The following TGFBR3 variants were observed in gnomAD, a reference collection of about 807,000 sequenced individuals.
TGFBR3 encodes transforming growth factor beta receptor type 3.
A neutral mutation model predicts 87.9 loss-of-function variants in TGFBR3; 46 were observed. The ratio of observed to expected loss-of-function variants is 0.52; its 90% CI spans 0.41 to 0.67. TGFBR3 has a LOEUF of 0.67. Among genes scored for constraint, TGFBR3 ranks in the 30% least tolerant of loss-of-function variants. The pLI, the probability that TGFBR3 is intolerant of heterozygous loss-of-function variation, is 0.00. For synonymous variants in TGFBR3, 381 were observed against 391.6 expected (o/e 0.97, Z 0.32); for missense variants, 866 against 1,041.9 (o/e 0.83, Z 2.32).
In TGFBR3 at chr1:91,680,378, A is replaced by G. The variant is rs547898508; in HGVS notation, c.*3361T>C. 2.7e-4 allele frequency: 123 copies of G among 450,284 alleles called. No individual in the cohort carries two copies. The highest frequency in any genetic ancestry group is 2.3e-3 in the African/African-American group (116 of 49,782). 27.9% of individuals were successfully genotyped at this position (450,284 alleles called of 1,614,324 possible). Reference sequence around the variant, plus strand: ...ATATATATCTTTTTATTATGCACAGATAAAAGATTTAAAACTGTGGTTATC... The same window carrying G: ...ATATATATCTTTTTATTATGCACAGGTAAAAGATTTAAAACTGTGGTTATC... On this transcript the variant is annotated 3_prime_UTR_variant, in exon 17 of 17. Transcript: ENST00000212355.
chr1:91,772,206 T>C (rs1350847213), intron 3 of TGFBR3, among the ~76,000 whole-genome samples: 1 of 152,204 alleles, frequency 6.6e-6, no homozygotes, highest in Admixed American at 6.5e-5. Context: ...AATGAGTACA[T>C]TAACTTCTGG....
At chr1:91,904,779 T>C (rs2101357538) in intron 1 of TGFBR3, among the ~76,000 whole-genome samples, 1 of 152,250 alleles carries the variant, frequency 6.6e-6, no homozygotes, top group Admixed American at 6.5e-5. Flanking sequence ...TTGGCCAGGC[T>C]GGTCTCGAAC....
At chr1:91,805,557 A>G (rs1445045370) in intron 2 of TGFBR3, among the ~76,000 whole-genome samples, 1 of 152,240 alleles carries the variant, frequency 6.6e-6, no homozygotes, top group East Asian at 1.9e-4. Flanking sequence ...GAAACTCCCC[A>G]GGTGGCCCAG....
intron 16 of TGFBR3, among the ~76,000 whole-genome samples, chr1:91,689,824 C>A: frequency 7.0e-6 from 1 of 143,608 alleles, no homozygotes. Flanking sequence ...CCAAGGACTC[C>A]CTTTAAGAAA....
In TGFBR3 at chr1:91,682,513, C is replaced by A. The variant is rs779777966; in HGVS notation, c.*1226G>T. The A allele has an allele frequency of 2.2e-6, 1 of 447,608 alleles. No homozygotes were observed. Among genetic ancestry groups the A allele is most frequent in the Non-Finnish European group, 4.4e-6 (1 of 225,896 alleles). 27.7% of individuals were successfully genotyped at this position (447,608 alleles called of 1,614,324 possible). On this transcript the variant is annotated 3_prime_UTR_variant, in exon 17 of 17. Coordinates refer to ENST00000212355, the MANE Select transcript of TGFBR3 (RefSeq NM_003243.5). ...GAAATTCACCTCAAGCCCTTTTTGA[C>A]ATATTAAATATATGGGATATATTTA...
intron 4 of TGFBR3, among the ~76,000 whole-genome samples, chr1:91,743,384 T>A (rs983379114): frequency 1.3e-5 from 2 of 152,130 alleles, no homozygotes; most frequent in African/African-American, 4.8e-5. Context: ...AGATCAAAAG[T>A]GGATATTAAG....
At chr1:91,850,993 A>C (rs1256728097) in intron 2 of TGFBR3, among the ~76,000 whole-genome samples, 3 of 152,150 alleles carry the variant, frequency 2.0e-5, no homozygotes, top group African/African-American at 7.2e-5. Flanking sequence ...AAGCAAAACA[A>C]AGAACACAGA....
intron 13 of TGFBR3, among the ~76,000 whole-genome samples, chr1:91,710,431 A>G (rs942100701): frequency 1.3e-5 from 2 of 152,150 alleles, no homozygotes; most frequent in African/African-American, 4.8e-5. Flanking sequence ...GCAAGAGTCT[A>G]TGATTCCGCA....
At chr1:91,815,963 G>A (rs1209680122) in intron 2 of TGFBR3, among the ~76,000 whole-genome samples, 1 of 152,152 alleles carries the variant, frequency 6.6e-6, no homozygotes, top group East Asian at 1.9e-4. Context: ...CTAATGAAAC[G>A]GGGGCTTTAG....
intron 2 of TGFBR3, among the ~76,000 whole-genome samples, chr1:91,857,745 C>T (rs896854292): frequency 6.6e-6 from 1 of 152,096 alleles, no homozygotes; most frequent in Non-Finnish European, 1.5e-5. Context: ...TCAAGGTCAA[C>T]CTGGACAACA....
chr1:91,889,465 C>G (rs1679401497), upstream of TGFBR3, among the ~76,000 whole-genome samples: 1 of 152,014 alleles, frequency 6.6e-6, no homozygotes. Context: ...TATTTAGTTT[C>G]AGTAGATGAT....
rs1226876038 is a variant in TGFBR3, at chr1:91,861,623, C to T, written c.-92G>A. Reference sequence around the variant, plus strand: ...CAAATCAGAAGTAGTCTTAAAGTCCCTCCTTGCAATTTTCAAACTGCCTGT... The same window carrying T: ...CAAATCAGAAGTAGTCTTAAAGTCCTTCCTTGCAATTTTCAAACTGCCTGT... On this transcript the variant is annotated 5_prime_UTR_variant, in exon 2 of 17. Transcript: ENST00000212355. 1 of 1,002,244 alleles carries T rather than the reference C, an allele frequency of 1.0e-6. No homozygotes were observed. The highest frequency in any genetic ancestry group is 1.7e-5 in the Admixed American group (1 of 57,784). 62.1% of individuals were successfully genotyped at this position (1,002,244 alleles called of 1,614,324 possible). A position where few individuals can be genotyped will look rare whatever the true frequency, so the allele number is the denominator to read the frequency against.
intron 2 of TGFBR3, among the ~76,000 whole-genome samples, chr1:91,845,623 T>C (rs767566561): frequency 3.3e-5 from 5 of 152,242 alleles, no homozygotes; most frequent in Non-Finnish European, 5.9e-5. Flanking sequence ...ATGTCAAATG[T>C]AGCAAAATAA....
chr1:91,887,915 C>T (rs952162950), upstream of TGFBR3, among the ~76,000 whole-genome samples: 1 of 152,190 alleles, frequency 6.6e-6, no homozygotes, highest in Non-Finnish European at 1.5e-5. Flanking sequence ...TTTATAAAGT[C>T]TAAGTTTAAG....
intron 14 of TGFBR3, among the ~76,000 whole-genome samples, chr1:91,707,834 C>T (rs1015943603): frequency 9.9e-5 from 15 of 152,220 alleles, no homozygotes; most frequent in Non-Finnish European, 2.9e-5. Flanking sequence ...ATGCTGACAG[C>T]TGCCTGGTGT....
chr1:91,694,083 C>T (rs1455779960), intron 16 of TGFBR3, among the ~76,000 whole-genome samples: 1 of 152,078 alleles, frequency 6.6e-6, no homozygotes, highest in African/African-American at 2.4e-5. Context: ...CTCACTTCAG[C>T]CTCAACCTCC....
chr1:91,845,524 C>T (rs1677435988), intron 2 of TGFBR3, among the ~76,000 whole-genome samples: 1 of 152,186 alleles, frequency 6.6e-6, no homozygotes, highest in African/African-American at 2.4e-5. Flanking sequence ...CCAAAAGCCT[C>T]AAATCTCTCT....
chr1:91,728,451 C>T (rs1306310609), intron 6 of TGFBR3, among the ~76,000 whole-genome samples: 1 of 152,126 alleles, frequency 6.6e-6, no homozygotes, highest in Non-Finnish European at 1.5e-5. Context: ...CAAGTGATTA[C>T]TGGAAAATTG....
At chr1:91,838,490 G>A (rs572549189) in intron 2 of TGFBR3, among the ~76,000 whole-genome samples, 13 of 132,798 alleles carry the variant, frequency 9.8e-5, no homozygotes, top group Admixed American at 3.4e-4. Flanking sequence ...ACGGAGTCTC[G>A]CCCTGTCGCC....
Sources: gnomAD v4.1 joint callset for allele counts (sites outside exome capture counted in the v4.1 genomes callset) on GRCh38, gnomAD v4.1.1 for gene constraint, MANE v1.5 for transcripts, NCBI Gene and HGNC (gene_info 2026-07-23, HGNC 2026-07-21) for gene names.